Variants in LDLRAD3 observed in about 807,000 individuals in gnomAD.
LDLRAD3 encodes low-density lipoprotein receptor class A domain-containing protein 3.
A neutral mutation model predicts 29.4 loss-of-function variants in LDLRAD3; 20 were observed. That is an observed-to-expected ratio of 0.68 (90% CI 0.48 to 0.99). The LOEUF is 0.99. Ranked by LOEUF, LDLRAD3 falls within the 50% of genes least tolerant of loss-of-function variation. The probability of loss-of-function intolerance (pLI) is 0.00; values close to 1 mark genes in which losing one functional copy is unlikely to be tolerated. For missense variants in LDLRAD3, 420 were observed against 454.3 expected, an observed-to-expected ratio of 0.92 and a Z score of 0.69; for synonymous variants, 157 against 192.7, an observed-to-expected ratio of 0.81 and a Z score of 1.53.
At position 35,980,785 on chromosome 11, in the gene LDLRAD3, TTAGAGGTCGTTCTTGTTGCC is replaced by T. The variant is rs1297398662; in HGVS notation, c.46+36643_46+36662del. 5.3e-5 allele frequency among the ~76,000 whole-genome samples: 8 copies of T among 152,350 alleles called. No homozygotes were observed. The South Asian group carries it at 1.7e-3, about 32-fold the overall frequency. On this transcript the variant is annotated intron_variant, in intron 1 of 5. Transcript: ENST00000315571. Reference sequence around the variant, plus strand: ...CAGATATAGCTATGAGAGTTTCTACTTAGAGGTCGTTCTTGTTGCCTTGCAGATGTGTTTTGATTTCAGCC... The same window carrying T: ...CAGATATAGCTATGAGAGTTTCTACTTTGCAGATGTGTTTTGATTTCAGCC...
At chr11:36,021,443 A>G (rs1013418323) in intron 1 of LDLRAD3, among the ~76,000 whole-genome samples, 1 of 152,092 alleles carries the variant, frequency 6.6e-6, no homozygotes. Flanking sequence ...GGCCAAGGGA[A>G]TGGAGTTTCA....
intron 4 of LDLRAD3, among the ~76,000 whole-genome samples, chr11:36,173,768 G>A (rs575129478): frequency 4.7e-4 from 72 of 152,184 alleles, no homozygotes; most frequent in African/African-American, 1.5e-3. Flanking sequence ...AATCAATATC[G>A]TGAAAATGGC....
intron 1 of LDLRAD3, among the ~76,000 whole-genome samples, chr11:36,001,758 C>CGTGT (rs3220787): frequency 0.022 from 3,204 of 148,370 alleles, 54 homozygotes; most frequent in Non-Finnish European, 0.03. Context: ...ATATTGTATA[C>CGTGT]GTGTGTGTGT....
At chr11:36,115,604 G>A (rs1026542171) in intron 4 of LDLRAD3, among the ~76,000 whole-genome samples, 1 of 152,168 alleles carries the variant, frequency 6.6e-6, no homozygotes, top group African/African-American at 2.4e-5. Flanking sequence ...GCTGTGTCAT[G>A]TTTCTGTCAC....
intron 2 of LDLRAD3, among the ~76,000 whole-genome samples, chr11:36,046,137 A>G (rs1046849491): frequency 1.3e-5 from 2 of 152,300 alleles, no homozygotes; most frequent in African/African-American, 4.8e-5. Flanking sequence ...TGCAAAGGAC[A>G]TGAACTCATT....
chr11:36,136,924 C>T (rs1271308142), intron 4 of LDLRAD3, among the ~76,000 whole-genome samples: 6 of 152,128 alleles, frequency 3.9e-5, no homozygotes, highest in Non-Finnish European at 7.4e-5. Context: ...CTCCTGGCCT[C>T]GAGTGATCCA....
rs1010927918 is a variant in LDLRAD3 at position 36,087,289 on chromosome 11, C to T, written c.319+5511C>T. Reference sequence around the variant, plus strand: ...GAGAAATTTAAATCATGGTTTGATACTTGATATTAAGGCATTATTATTTAT... The same window carrying T: ...GAGAAATTTAAATCATGGTTTGATATTTGATATTAAGGCATTATTATTTAT... On this transcript the variant is annotated intron_variant, in intron 3 of 5. Transcript: ENST00000315571. Among the ~76,000 whole-genome samples, 7 of 152,046 alleles carry T rather than the reference C, an allele frequency of 4.6e-5. No homozygotes were observed. In the East Asian group the frequency reaches 1.3e-3, roughly 29 times the overall value.
intron 4 of LDLRAD3, among the ~76,000 whole-genome samples, chr11:36,111,367 A>C (rs377575930): frequency 6.6e-6 from 1 of 152,044 alleles, no homozygotes; most frequent in African/African-American, 2.4e-5. Context: ...GCTTCCAACA[A>C]GTGGCTTGAA....
chr11:36,228,641 A>G (rs1413747336), intron 5 of LDLRAD3, among the ~76,000 whole-genome samples: 1 of 152,262 alleles, frequency 6.6e-6, no homozygotes, highest in Non-Finnish European at 1.5e-5. Context: ...AATGAGAGCT[A>G]GAAAATAAAA....
intron 2 of LDLRAD3, among the ~76,000 whole-genome samples, chr11:36,078,054 A>C (rs1288834170): frequency 6.6e-6 from 1 of 152,182 alleles, no homozygotes; most frequent in African/African-American, 2.4e-5. Context: ...ATGAGTGTTC[A>C]GCTCTCAGCA....
At chr11:36,176,188 C>T (rs1373884060) in intron 4 of LDLRAD3, among the ~76,000 whole-genome samples, 1 of 151,932 alleles carries the variant, frequency 6.6e-6, no homozygotes, top group Non-Finnish European at 1.5e-5. Context: ...TATGTGAGTC[C>T]TTATGTGTTA....
rs936674921 is a variant in LDLRAD3, at chr11:36,139,569, T to G, written c.454+41108T>G. Among the ~76,000 whole-genome samples the G allele has an allele frequency of 6.6e-5, 10 of 152,284 alleles. No individual in the cohort carries two copies. The East Asian group carries it at 1.9e-3, about 29-fold the overall frequency. ...CTTCATGTATATTTTCTCTAATTCT[T>G]ACAACAACCCTCATCTTAACAGGAA... On this transcript the variant is annotated intron_variant, in intron 4 of 5. Transcript: ENST00000315571.
At chr11:36,143,919 TCTC>T (rs1854125326) in intron 4 of LDLRAD3, among the ~76,000 whole-genome samples, 1 of 48,072 alleles carries the variant, frequency 2.1e-5, no homozygotes, top group Non-Finnish European at 3.8e-5. Flanking sequence ...TCCCTCTCCC[TCTC>T]CCCCTCCCCC....
chr11:36,160,831 G>C lies in LDLRAD3; in HGVS notation c.454+62370G>C, dbSNP rs550688213. ...TGGGGAGGGACAGAGTTTCGCTCTT[G>C]TTGCCCAGGCTGGAGTGCAATGGCG... is the stretch of plus-strand genomic sequence containing the variant. On this transcript the variant is annotated intron_variant, in intron 4 of 5. Transcript: ENST00000315571. Among the ~76,000 whole-genome samples the C allele has an allele frequency of 2.0e-5, 3 of 152,166 alleles. 1 individual carries two copies. The East Asian group carries it at 5.9e-4, about 30-fold the overall frequency.
intron 1 of LDLRAD3, among the ~76,000 whole-genome samples, chr11:35,975,493 T>TC (rs1851464396): frequency 6.6e-6 from 1 of 152,180 alleles, no homozygotes; most frequent in Non-Finnish European, 1.5e-5. Flanking sequence ...ATTTTCGTTT[T>TC]CCCCACATTT....
At chr11:36,066,041 T>C (rs72937836) in intron 2 of LDLRAD3, among the ~76,000 whole-genome samples, 2,440 of 152,238 alleles carry the variant, frequency 0.016, 35 homozygotes, top group Non-Finnish European at 0.022. Context: ...ACCCTTCTTC[T>C]TTTGGCAAAG....
At chr11:36,121,266 C>T (rs1853751912) in intron 4 of LDLRAD3, among the ~76,000 whole-genome samples, 1 of 152,070 alleles carries the variant, frequency 6.6e-6, no homozygotes, top group Admixed American at 6.5e-5. Flanking sequence ...AAAGGGTTTG[C>T]CTAAGTGAGA....
At chr11:36,199,411 T>G (rs7946514) in intron 4 of LDLRAD3, among the ~76,000 whole-genome samples, 134,375 of 152,252 alleles carry the variant, frequency 0.88, 59,448 homozygotes, top group East Asian at 0.97. Context: ...AGAAATCAAT[T>G]TCTTTGTGCT....
chr11:36,213,178 A>T lies in LDLRAD3; in HGVS notation c.455-13907A>T, dbSNP rs530503744. Among the ~76,000 whole-genome samples, 1 of 151,396 alleles carries T rather than the reference A, an allele frequency of 6.6e-6. No homozygotes were observed. The highest frequency in any genetic ancestry group is 2.4e-5 in the African/African-American group (1 of 41,172). On this transcript the variant is annotated intron_variant, in intron 4 of 5. Transcript: ENST00000315571. The surrounding 1 kb of genome is among the most constrained non-coding windows in gnomAD (Gnocchi z 4.1). ...TCGGGCACTTGTCTCCCAGCTCTCA[A>T]TGGTCCTGGTTCCCAGCATCCTGGC...
Sources: gnomAD v4.1 joint callset for allele counts (sites outside exome capture counted in the v4.1 genomes callset) on GRCh38, gnomAD v4.1.1 for gene constraint, Gnocchi (gnomAD v3.1) non-coding constraint, MANE v1.5 for transcripts, NCBI Gene and HGNC (gene_info 2026-07-23, HGNC 2026-07-21) for gene names.